SPNS3: variants seen among roughly 807,000 people sequenced by gnomAD.
The protein encoded by SPNS3 is protein spinster homolog 3.
SPNS3 carries 51 observed loss-of-function variants against 54.4 expected under a neutral mutation model. That is an observed-to-expected ratio of 0.94 (90% CI 0.75 to 1.18). The LOEUF is 1.18. Among genes scored for constraint, SPNS3 ranks in the 50% most tolerant of loss-of-function variants. The pLI, the probability that SPNS3 is intolerant of heterozygous loss-of-function variation, is 0.00. For synonymous variants in SPNS3, 309 were observed against 294.7 expected (o/e 1.05, Z -0.50); for missense variants, 669 against 677.4 (o/e 0.99, Z 0.14).
chr17:4,435,454 TA>T (rs1203114569), intron 1 of SPNS3, among the ~76,000 whole-genome samples: 24 of 106,842 alleles, frequency 2.2e-4, no homozygotes, highest in African/African-American at 7.4e-4. Flanking sequence ...AAAAAAAAAA[TA>T]AAAAATAAAA....
intron 2 of SPNS3, among the ~76,000 whole-genome samples, chr17:4,444,171 T>C (rs1480766577): frequency 6.6e-6 from 1 of 152,116 alleles, no homozygotes; most frequent in African/African-American, 2.4e-5. Context: ...AAACCAACTT[T>C]TTCCTGGCTT....
rs12601305 is a variant in SPNS3, at chr17:4,483,929, A to G, written c.1180-2299A>G. 6.6e-6 allele frequency among the ~76,000 whole-genome samples: 1 copy of G among 152,088 alleles called. No homozygotes were observed. Among genetic ancestry groups the G allele is most frequent in the South Asian group, 2.1e-4 (1 of 4,826 alleles). On this transcript the variant is annotated intron_variant, in intron 9 of 11. Transcript: ENST00000355530. The surrounding 1 kb of genome is among the most constrained non-coding windows in gnomAD (Gnocchi z 4.2). Reference sequence around the variant, plus strand: ...ATCCTCCCTCCACACCGTCGCTTACACTGTCCCCTGCCTGGAATGCCTTTC... The same window carrying G: ...ATCCTCCCTCCACACCGTCGCTTACGCTGTCCCCTGCCTGGAATGCCTTTC...
rs1219337423 is a variant in SPNS3 at position 4,488,078 on chromosome 17, C to T, written c.*184C>T. The T allele has an allele frequency of 1.5e-5, 9 of 611,646 alleles. No homozygotes were observed. The highest frequency in any genetic ancestry group is 5.9e-5 in the Admixed American group (2 of 34,096). The allele number at this position is 611,646 out of a possible 1,614,324, so 37.9% of individuals were successfully genotyped here. ...TGGGAATGGAGCTGTCAGCACTCTG[C>T]GTGGGAGGCCTGGGCCTGTGCCTGC... On this transcript the variant is annotated 3_prime_UTR_variant, in exon 12 of 12. Coordinates refer to ENST00000355530, the MANE Select transcript of SPNS3 (RefSeq NM_182538.5).
chr17:4,444,783 C>A (rs1320635345), intron 2 of SPNS3, among the ~76,000 whole-genome samples: 1 of 152,190 alleles, frequency 6.6e-6, no homozygotes, highest in Non-Finnish European at 1.5e-5. Context: ...GTTGGGGTGA[C>A]ACTCAGAGCA....
chr17:4,486,645 GC>G lies in SPNS3; in HGVS notation c.1450+64del. 6.6e-7 allele frequency: 1 copy of G among 1,508,300 alleles called. No homozygotes were observed. The highest frequency in any genetic ancestry group is 9.0e-7 in the Non-Finnish European group (1 of 1,115,466). The allele number at this position is 1,508,300 out of a possible 1,614,324, so 93.4% of individuals were successfully genotyped here. A position where few individuals can be genotyped will look rare whatever the true frequency, so the allele number is the denominator to read the frequency against. On this transcript the variant is annotated intron_variant, in intron 11 of 11. Coordinates refer to ENST00000355530, the MANE Select transcript of SPNS3 (RefSeq NM_182538.5). This position sits in a 1 kb window ranked among gnomAD's most constrained non-coding sequence, Gnocchi z 5.5. ...GGCACCCTAGGGACAGACAGCACTG[GC>G]CACCCCCTGAATCCCTGGCCAGTTT... is the stretch of plus-strand genomic sequence containing the variant.
chr17:4,439,516 GA>G (rs1262974987), intron 1 of SPNS3, 141 bp from the exon 2 acceptor site: 6 of 655,786 alleles, frequency 9.1e-6, no homozygotes, highest in Admixed American at 7.3e-5. Context: ...GTATGGGAGA[GA>G]GGGGGAGAGA....
At chr17:4,468,680 C>T (rs1411912879) in intron 8 of SPNS3, among the ~76,000 whole-genome samples, 1 of 149,888 alleles carries the variant, frequency 6.7e-6, no homozygotes, top group Non-Finnish European at 1.5e-5. Flanking sequence ...CTTCTTAGGA[C>T]ATTCAACTGG....
chr17:4,436,767 T>G (rs1970727723), intron 1 of SPNS3, among the ~76,000 whole-genome samples: 1 of 152,176 alleles, frequency 6.6e-6, no homozygotes, highest in African/African-American at 2.4e-5. Context: ...GAGGCCCTGA[T>G]GGAGGCAAAA....
At chr17:4,471,511 G>T (rs987980395) in intron 8 of SPNS3, among the ~76,000 whole-genome samples, 4 of 152,088 alleles carry the variant, frequency 2.6e-5, no homozygotes, top group Admixed American at 2.6e-4. Flanking sequence ...TGTCACTCAG[G>T]CTGGAGTGCA....
intron 8 of SPNS3, among the ~76,000 whole-genome samples, chr17:4,477,091 G>C (rs1332884649): frequency 1.3e-5 from 2 of 152,160 alleles, no homozygotes; most frequent in Non-Finnish European, 2.9e-5. Context: ...CAGGTACTGT[G>C]GATGCTGGGA....
intron 7 of SPNS3, among the ~76,000 whole-genome samples, chr17:4,450,388 CT>C: frequency 6.8e-6 from 1 of 146,420 alleles, no homozygotes; most frequent in Non-Finnish European, 1.5e-5. Flanking sequence ...TCCCTCCCTC[CT>C]TCCCTCCCTC....
intron 9 of SPNS3, 105 bp downstream of exon 9, chr17:4,478,742 A>G: frequency 8.9e-7 from 1 of 1,121,048 alleles, no homozygotes; most frequent in Non-Finnish European, 1.3e-6. Flanking sequence ...GAGACCATAC[A>G]TTAGGGGACC....
At position 4,456,673 on chromosome 17, in the gene SPNS3, A is replaced by T. The variant is rs181058200; in HGVS notation, c.1113+3468A>T. 5.9e-5 allele frequency among the ~76,000 whole-genome samples: 9 copies of T among 151,768 alleles called. 1 individual carries two copies. In the East Asian group the frequency reaches 1.7e-3, roughly 29 times the overall value. ...CCCCAGCAGCTGGGATTATAGGGGC[A>T]TGCCACTAATTGTTGTGTTTTTTGG... On this transcript the variant is annotated intron_variant, in intron 8 of 11. Transcript: ENST00000355530.
rs762028524 is a variant in SPNS3, at chr17:4,445,144, C to T, written c.378C>T (p.Leu126=). Residue 126 remains leucine, a synonymous_variant, in exon 3 of 12, where the codon CTC becomes CTT. Transcript: ENST00000355530. ...TCTTGCTGTGGTCAGGAGCTGGCCT[C>T]TCTAGCTCCTTCATCTCCCCCCGGG... ...FGILLWSGAG[L]SSSFISPRYS... is the part of the protein sequence containing the mutation. 25 of 1,613,566 alleles carry T rather than the reference C, an allele frequency of 1.5e-5. No homozygotes were observed. Among genetic ancestry groups the T allele is most frequent in the Non-Finnish European group, 2.1e-5 (25 of 1,179,660 alleles).
chr17:4,476,552 G>A (rs333133), intron 8 of SPNS3, among the ~76,000 whole-genome samples: 32,561 of 152,088 alleles, frequency 0.21, 4,611 homozygotes, highest in African/African-American at 0.4. Context: ...GTGCCCGGAA[G>A]AAGTCAGAGG....
intron 8 of SPNS3, among the ~76,000 whole-genome samples, chr17:4,472,874 A>G (rs1379948933): frequency 7.8e-6 from 1 of 128,842 alleles, no homozygotes; most frequent in East Asian, 2.6e-4. Flanking sequence ...CTGCAGCCTC[A>G]ACCTCCCAGG....
At chr17:4,446,339 G>A (rs1284082666) in intron 4 of SPNS3, 140 bp downstream of exon 4, 3 of 918,192 alleles carry the variant, frequency 3.3e-6, no homozygotes, top group Admixed American at 2.7e-5. Context: ...CCCTCACCAT[G>A]TGAGTCTACC....
chr17:4,446,335 C>A, intron 4 of SPNS3, 136 bp downstream of exon 4: 1 of 930,970 alleles, frequency 1.1e-6, no homozygotes, highest in Non-Finnish European at 1.6e-6. Flanking sequence ...CCCTCCCTCA[C>A]CATGTGAGTC....
At chr17:4,461,560 A>G (rs1024444686) in intron 8 of SPNS3, among the ~76,000 whole-genome samples, 1 of 151,974 alleles carries the variant, frequency 6.6e-6, no homozygotes, top group African/African-American at 2.4e-5. Context: ...GGGCAAGGGC[A>G]GAAGCAGAGA....
Sources: gnomAD v4.1 joint callset for allele counts (sites outside exome capture counted in the v4.1 genomes callset) on GRCh38, gnomAD v4.1.1 for gene constraint, Gnocchi (gnomAD v3.1) non-coding constraint, MANE v1.5 for transcripts, NCBI Gene and HGNC (gene_info 2026-07-23, HGNC 2026-07-21) for gene names.